WDR27: variants seen among roughly 807,000 people sequenced by gnomAD.
WDR27 encodes the protein WD repeat-containing protein 27.
In WDR27, 100 loss-of-function variants were observed where a neutral mutation model predicts 114.4. That is an observed-to-expected ratio of 0.87 (90% CI 0.74 to 1.03). The LOEUF (loss-of-function observed/expected upper bound fraction) is 1.03, where lower values mean the gene tolerates loss of function less well. Ranked by LOEUF, WDR27 falls within the 50% of genes least tolerant of loss-of-function variation. The pLI is 0.00. For missense variants in WDR27, 1,129 were observed against 1,092.9 expected (o/e 1.03, Z -0.47); for synonymous variants, 449 against 423.1 (o/e 1.06, Z -0.75).
In WDR27 at chr6:169,631,543, G is replaced by A. The variant is rs931667771; in HGVS notation, c.2223+1404C>T. ...GGGCACGGAGGTGGAATTCGCTTCC[G>A]CAGGCAGTCTCCCCAGGCGTCCTCC... On this transcript the variant is annotated intron_variant, in intron 21 of 25. Transcript: ENST00000448612. 8.5e-5 allele frequency among the ~76,000 whole-genome samples: 13 copies of A among 152,196 alleles called. No homozygotes were observed. The East Asian group carries it at 1.7e-3, about 20-fold the overall frequency.
At chr6:169,677,561 G>GT (rs1780384782) in intron 2 of WDR27, among the ~76,000 whole-genome samples, 1 of 152,234 alleles carries the variant, frequency 6.6e-6, no homozygotes, top group Non-Finnish European at 1.5e-5. Flanking sequence ...AAAAGTAACT[G>GT]TTTTTGGTGA....
intron 8 of WDR27, 106 bp downstream of exon 8, chr6:169,664,060 A>T: frequency 9.1e-7 from 1 of 1,095,434 alleles, no homozygotes; most frequent in Non-Finnish European, 1.3e-6. Context: ...GGCTTCTCCT[A>T]CATTGGGATC....
At chr6:169,643,602 G>T in intron 17 of WDR27, 95 bp downstream of exon 17, 1 of 1,033,244 alleles carries the variant, frequency 9.7e-7, no homozygotes, top group East Asian at 2.6e-5. Flanking sequence ...CTGATGTCCT[G>T]AAGGAAACAA....
At chr6:169,611,905 C>T (rs1295635014) in intron 22 of WDR27, among the ~76,000 whole-genome samples, 1 of 151,968 alleles carries the variant, frequency 6.6e-6, no homozygotes, top group Non-Finnish European at 1.5e-5. Context: ...GAGGCTGAGG[C>T]GGGTGGATCA....
Position 169,638,244 on chromosome 6 carries a change from A to G in WDR27, c.1869+295T>C, listed in dbSNP as rs576763415. On this transcript the variant is annotated intron_variant, in intron 18 of 25. Transcript: ENST00000448612. The stretch of plus-strand genomic sequence containing the variant: ...GGCAGGAGAATGGCGTGAACCCGGG[A>G]AGCGGAGCTTGCAGTGAGCCGAGAT... Among the ~76,000 whole-genome samples the G allele has an allele frequency of 4.7e-3, 551 of 117,866 alleles. 141 individuals carry two copies. The highest frequency in any genetic ancestry group is 0.022 in the African/African-American group (525 of 23,834). 77.3% of individuals were successfully genotyped at this position (117,866 alleles called of 152,430 possible). A position where few individuals can be genotyped will look rare whatever the true frequency, so the allele number is the denominator to read the frequency against.
At chr6:169,583,024 T>C in intron 23 of WDR27, 90 bp from the exon 24 acceptor site, 1 of 1,106,616 alleles carries the variant, frequency 9.0e-7, no homozygotes, top group Middle Eastern at 2.0e-4. Flanking sequence ...ATCTATAGAT[T>C]AGTGTAGTTG....
chr6:169,649,176 G>T (rs1240674716), intron 15 of WDR27, 22 bp downstream of exon 15: 1 of 1,551,832 alleles, frequency 6.4e-7, no homozygotes, highest in African/African-American at 1.4e-5. Flanking sequence ...AATGTACTTG[G>T]AATGCACGCT....
chr6:169,444,959 T>C, the WDR27 span, among the ~76,000 whole-genome samples: 4,524 of 152,198 alleles, frequency 0.03, 89 homozygotes, highest in Admixed American at 0.043. Context: ...TACTATCCCT[T>C]ACCTGTAAGC....
chr6:169,517,091 G>T (rs1222875974), intron 25 of WDR27, among the ~76,000 whole-genome samples: 1 of 152,216 alleles, frequency 6.6e-6, no homozygotes, highest in South Asian at 2.1e-4. Context: ...GGGTCATGGG[G>T]GTGGATCCTT....
chr6:169,431,943 C>T, the WDR27 span, among the ~76,000 whole-genome samples: 7 of 152,342 alleles, frequency 4.6e-5, no homozygotes, highest in Non-Finnish European at 8.8e-5. Flanking sequence ...CTGCAAACTA[C>T]GGTCTCCGAG....
At chr6:169,631,499 C>A (rs1816359657) in intron 21 of WDR27, among the ~76,000 whole-genome samples, 2 of 152,138 alleles carry the variant, frequency 1.3e-5, no homozygotes, top group African/African-American at 4.8e-5. Context: ...CCTTCTCCGA[C>A]CAAGGCTGCC....
intron 25 of WDR27, among the ~76,000 whole-genome samples, chr6:169,571,569 T>G (rs775503046): frequency 9.9e-5 from 15 of 152,242 alleles, no homozygotes; most frequent in Non-Finnish European, 1.3e-4. Flanking sequence ...AGCTCGCACC[T>G]GCAATCCCAG....
intron 25 of WDR27, among the ~76,000 whole-genome samples, chr6:169,562,558 C>A (rs2179401): frequency 0.57 from 87,312 of 151,964 alleles, 28,545 homozygotes; most frequent in Non-Finnish European, 0.72. Context: ...AAGGGGGGCC[C>A]AAGGGAGGCA....
Position 169,660,318 on chromosome 6 carries a change from C to A in WDR27, c.1129+345G>T, listed in dbSNP as rs544686188. ...GTTTACGCTGTGCGAGCCTGGGGCTCTGGGAGGCTCTCTAAGGATGGTGGA... is the reference window on the plus strand; with the variant it reads ...GTTTACGCTGTGCGAGCCTGGGGCTATGGGAGGCTCTCTAAGGATGGTGGA... On this transcript the variant is annotated intron_variant, in intron 10 of 25. Transcript: ENST00000448612. 2.3e-3 allele frequency among the ~76,000 whole-genome samples: 345 copies of A among 152,246 alleles called. 2 individuals carry two copies. Among genetic ancestry groups the A allele is most frequent in the African/African-American group, 7.8e-3 (323 of 41,540 alleles).
chr6:169,522,195 G>A (rs1318683849), intron 25 of WDR27, among the ~76,000 whole-genome samples: 2 of 151,982 alleles, frequency 1.3e-5, no homozygotes, highest in African/African-American at 4.8e-5. Context: ...ACTTATATCA[G>A]ATAATAGACT....
rs1240862932 is a variant in WDR27 at position 169,667,140 on chromosome 6, T to C, written c.708A>G (p.Leu236=). Residue 236 remains leucine (L), a synonymous_variant, in exon 6 of 26, where the codon TTA becomes TTG. Transcript: ENST00000448612. ...ACATGAAAGTTTTAAATTTACCTGA[T>C]AACACAGATGAACTGTATATTAATG... ...TGSLIYSSSV[L]SAYPLLSLFI... 3 of 1,521,820 alleles carry C rather than the reference T, an allele frequency of 2.0e-6. No individual in the cohort carries two copies. The highest frequency in any genetic ancestry group is 4.6e-5 in the Admixed American group (2 of 43,346). The allele number at this position is 1,521,820 out of a possible 1,614,324, so 94.3% of individuals were successfully genotyped here.
At chr6:169,612,918 A>C (rs752432725) in intron 22 of WDR27, among the ~76,000 whole-genome samples, 2 of 152,198 alleles carry the variant, frequency 1.3e-5, no homozygotes, top group Non-Finnish European at 2.9e-5. Context: ...ATAGTAAACA[A>C]ACCTGCCTGT....
the WDR27 span, chr6:169,426,520 A>G: frequency 3.3e-5 from 5 of 152,170 alleles, no homozygotes; most frequent in African/African-American, 1.2e-4. Flanking sequence ...GAGCTATAAA[A>G]TTGATATCTG....
intron 1 of WDR27, among the ~76,000 whole-genome samples, chr6:169,692,523 A>G (rs1784780900): frequency 6.6e-6 from 1 of 151,682 alleles, no homozygotes; most frequent in Middle Eastern, 3.2e-3. Flanking sequence ...TCAGTGCAGA[A>G]CTTATGGCCT....
Sources: allele counts gnomAD v4.1 joint callset (sites outside exome capture counted in the v4.1 genomes callset), GRCh38; gene constraint gnomAD v4.1.1; transcripts MANE v1.5; gene names NCBI Gene and HGNC (gene_info 2026-07-23, HGNC 2026-07-21).